The following OPCML variants were observed in gnomAD, a reference collection of about 807,000 sequenced individuals.
OPCML encodes opioid binding protein/cell adhesion molecule like.
A neutral mutation model predicts 37.8 loss-of-function variants in OPCML; 13 were observed. That is an observed-to-expected ratio of 0.34 (90% CI 0.22 to 0.55). The LOEUF (loss-of-function observed/expected upper bound fraction) is 0.55. Among genes scored for constraint, OPCML ranks in the 20% least tolerant of loss-of-function variants. The pLI, the probability that OPCML is intolerant of heterozygous loss-of-function variation, is 0.91. For missense variants in OPCML, 341 were observed against 435.6 expected, an observed-to-expected ratio of 0.78 and a Z score of 1.93; for synonymous variants, 176 against 168.8, an observed-to-expected ratio of 1.04 and a Z score of -0.33.
chr11:133,487,775 T>TTGTGTGTGTG (rs10625092), intron 1 of OPCML, among the ~76,000 whole-genome samples: 4 of 147,362 alleles, frequency 2.7e-5, no homozygotes, highest in African/African-American at 5.0e-5. Flanking sequence ...TACTCTGTGT[T>TTGTGTGTGTG]TGTGTGTGTG....
At chr11:132,967,376 C>T (rs1946238957) in intron 1 of OPCML, among the ~76,000 whole-genome samples, 1 of 152,102 alleles carries the variant, frequency 6.6e-6, no homozygotes, top group Non-Finnish European at 1.5e-5. Context: ...TTATAAGCTA[C>T]TATTTAATTA....
chr11:132,788,971 C>T (rs1591612078), intron 2 of OPCML, among the ~76,000 whole-genome samples: 1 of 152,280 alleles, frequency 6.6e-6, no homozygotes, highest in African/African-American at 2.4e-5. Flanking sequence ...CTTCGTGTTC[C>T]TCTCTAGTAT....
At chr11:133,339,539 G>A (rs1378826265) in intron 1 of OPCML, among the ~76,000 whole-genome samples, 1 of 152,144 alleles carries the variant, frequency 6.6e-6, no homozygotes, top group Non-Finnish European at 1.5e-5. Context: ...CCTCATCATG[G>A]TCTAGTAAAA....
chr11:132,682,790 A>C (rs1353976260), intron 2 of OPCML, among the ~76,000 whole-genome samples: 1 of 152,154 alleles, frequency 6.6e-6, no homozygotes, highest in Admixed American at 6.5e-5. Flanking sequence ...ATAGATACTA[A>C]TTTCTATTCT....
chr11:132,670,633 C>T (rs534698242), intron 2 of OPCML, among the ~76,000 whole-genome samples: 6 of 152,196 alleles, frequency 3.9e-5, no homozygotes, highest in Non-Finnish European at 8.8e-5. Context: ...CTATAATTTA[C>T]TAAACTCCTG....
At chr11:133,528,743 C>T (rs935212288) in intron 1 of OPCML, among the ~76,000 whole-genome samples, 3 of 152,138 alleles carry the variant, frequency 2.0e-5, no homozygotes, top group Non-Finnish European at 2.9e-5. Context: ...GAAGTTGTAC[C>T]CAGAACCTGG....
intron 3 of OPCML, among the ~76,000 whole-genome samples, chr11:132,537,793 G>A (rs926490060): frequency 2.0e-5 from 3 of 151,966 alleles, no homozygotes; most frequent in Non-Finnish European, 4.4e-5. Context: ...TATACTAATC[G>A]CCAATAAGCA....
intron 2 of OPCML, among the ~76,000 whole-genome samples, chr11:132,710,605 C>A (rs1038730361): frequency 6.6e-6 from 1 of 151,794 alleles, no homozygotes; most frequent in South Asian, 2.1e-4. Context: ...GTAATCCCAG[C>A]ACTTTGGGAG....
At chr11:133,262,801 C>T (rs1941534726) in intron 1 of OPCML, among the ~76,000 whole-genome samples, 1 of 151,748 alleles carries the variant, frequency 6.6e-6, no homozygotes, top group Non-Finnish European at 1.5e-5. Context: ...GGTGGAGTCC[C>T]CAGGAAGAGC....
At position 132,436,103 on chromosome 11, in the gene OPCML, G is replaced by A; in HGVS notation, c.899C>T (p.Ala300Val). ...VATNKLGNTNASITLYGPGAV... is the reference protein window; with the variant it reads ...VATNKLGNTNVSITLYGPGAV... ...GCACTCACCATACAATGTGATGCTG[G>A]CATTGGTGTTCCCAAGCTTGTTCGT... Residue 300 changes from alanine to valine, a missense_variant, in exon 7 of 8, where the codon GCC (alanine) becomes GTC (valine). Transcript: ENST00000524381. 6.2e-7 allele frequency: 1 copy of A among 1,614,052 alleles called. No individual in the cohort carries two copies. The highest frequency in any genetic ancestry group is 8.5e-7 in the Non-Finnish European group (1 of 1,179,968).
intron 1 of OPCML, among the ~76,000 whole-genome samples, chr11:133,051,046 C>G (rs1401023358): frequency 8.1e-6 from 1 of 123,734 alleles, no homozygotes; most frequent in African/African-American, 3.2e-5. Context: ...GTCCCTCCTC[C>G]ATGTGTGTAC....
At chr11:133,340,608 CTGTGTGTGTGTGTGTGTG>C (rs5795838) in intron 1 of OPCML, among the ~76,000 whole-genome samples, 4 of 139,518 alleles carry the variant, frequency 2.9e-5, no homozygotes, top group Middle Eastern at 3.6e-3. Context: ...AAGACTCTCT[CTGTGTGTGTGTGTGTGTG>C]TGTGTGTGTG....
intron 1 of OPCML, among the ~76,000 whole-genome samples, chr11:133,497,034 C>G (rs4936193): frequency 0.4 from 60,666 of 151,892 alleles, 16,155 homozygotes; most frequent in African/African-American, 0.76. Flanking sequence ...GTTGGCTGTG[C>G]GTCTGTCATA....
intron 4 of OPCML, among the ~76,000 whole-genome samples, chr11:132,460,812 A>G (rs2096098926): frequency 6.6e-6 from 1 of 152,222 alleles, no homozygotes; most frequent in Admixed American, 6.5e-5. Flanking sequence ...AACAAGCCAA[A>G]GAAGGGAAAG....
Position 133,173,684 on chromosome 11 carries a change from C to T in OPCML, c.62-230674G>A, listed in dbSNP as rs978803115. On this transcript the variant is annotated intron_variant, in intron 1 of 7. Transcript: ENST00000524381. This position sits in a 1 kb window ranked among gnomAD's most constrained non-coding sequence, Gnocchi z 7.8. ...GTAGACACCTCCCTGCAGATAATAA[C>T]GAGAACCATCAGCACCGACTTAGCT... Among the ~76,000 whole-genome samples the T allele has an allele frequency of 7.2e-5, 11 of 152,148 alleles. No homozygotes were observed. Among genetic ancestry groups the T allele is most frequent in the Admixed American group, 2.0e-4 (3 of 15,280 alleles).
At chr11:133,488,330 G>T (rs1173451373) in intron 1 of OPCML, among the ~76,000 whole-genome samples, 1 of 152,068 alleles carries the variant, frequency 6.6e-6, no homozygotes, top group East Asian at 1.9e-4. Context: ...CATTATCCTT[G>T]TTCAATGATG....
At chr11:132,859,511 G>T (rs539486874) in intron 2 of OPCML, 2 of 152,190 alleles carry the variant, frequency 1.3e-5, no homozygotes, top group East Asian at 1.9e-4. Context: ...GAGGAAACTC[G>T]TGTGGACTTC....
chr11:132,426,433 G>T (rs899422908), intron 7 of OPCML, among the ~76,000 whole-genome samples: 1 of 152,056 alleles, frequency 6.6e-6, no homozygotes, highest in African/African-American at 2.4e-5. Context: ...AAGTCATCAT[G>T]GTTTTTGCCA....
At chr11:133,392,090 T>A (rs1473374684) in intron 1 of OPCML, among the ~76,000 whole-genome samples, 1 of 152,236 alleles carries the variant, frequency 6.6e-6, no homozygotes, top group African/African-American at 2.4e-5. Context: ...AATATTAAGA[T>A]ATAAAATTGT....
Sources: allele counts gnomAD v4.1 joint callset (sites outside exome capture counted in the v4.1 genomes callset), GRCh38; gene constraint gnomAD v4.1.1; non-coding constraint Gnocchi (gnomAD v3.1); transcripts MANE v1.5; gene names NCBI Gene and HGNC (gene_info 2026-07-23, HGNC 2026-07-21).